Variants in CASQ2 observed in about 807,000 individuals in gnomAD.
The protein encoded by CASQ2 is calsequestrin 2.
In CASQ2, 49 loss-of-function variants were observed where a neutral mutation model predicts 46.5. That is an observed-to-expected ratio of 1.05 (90% CI 0.84 to 1.34). The LOEUF is 1.34. Among genes scored for constraint, CASQ2 ranks in the 40% most tolerant of loss-of-function variants. The probability of loss-of-function intolerance (pLI) is 0.00; values close to 1 mark genes in which losing one functional copy is unlikely to be tolerated. For missense variants in CASQ2, 486 were observed against 481.3 expected, an observed-to-expected ratio of 1.01 and a Z score of -0.09; for synonymous variants, 174 against 168.5, an observed-to-expected ratio of 1.03 and a Z score of -0.25.
intron 8 of CASQ2, among the ~76,000 whole-genome samples, chr1:115,711,224 G>A (rs1198829528): frequency 6.6e-6 from 1 of 152,230 alleles, no homozygotes; most frequent in Non-Finnish European, 1.5e-5. Context: ...GCTCCTGTGA[G>A]GAGAGGCCTG....
At chr1:115,738,490 C>T (rs768315971) in intron 3 of CASQ2, among the ~76,000 whole-genome samples, 155 bp from the exon 4 acceptor site, 1 of 152,186 alleles carries the variant, frequency 6.6e-6, no homozygotes, top group Non-Finnish European at 1.5e-5. Context: ...GTGAGCATAC[C>T]AGCAGTACCT....
intron 5 of CASQ2, among the ~76,000 whole-genome samples, 155 bp downstream of exon 5, chr1:115,732,746 A>G (rs1647830992): frequency 6.6e-6 from 1 of 152,220 alleles, no homozygotes; most frequent in Non-Finnish European, 1.5e-5. Flanking sequence ...CTTAAATCCA[A>G]TAGTGATTTA....
chr1:115,740,010 C>T (rs1648125049), intron 3 of CASQ2, among the ~76,000 whole-genome samples: 1 of 152,160 alleles, frequency 6.6e-6, no homozygotes, highest in Admixed American at 6.5e-5. Flanking sequence ...TAGCTTCCAA[C>T]TCACTTCTGA....
intron 1 of CASQ2, among the ~76,000 whole-genome samples, chr1:115,750,321 T>C (rs1183955001): frequency 6.6e-6 from 1 of 152,224 alleles, no homozygotes; most frequent in Non-Finnish European, 1.5e-5. Flanking sequence ...TTTGTTTGTT[T>C]GGTCAGTTAC....
intron 3 of CASQ2, among the ~76,000 whole-genome samples, chr1:115,739,019 CTCCAAT>C (rs753060819): frequency 9.5e-5 from 14 of 147,336 alleles, no homozygotes; most frequent in Non-Finnish European, 1.6e-4. Context: ...ACATAATGTT[CTCCAAT>C]TCCATCTGTA....
At position 115,747,658 on chromosome 1, in the gene CASQ2, G is replaced by T. The variant is rs1304792169; in HGVS notation, c.235-2746C>A. 8.3e-4 allele frequency among the ~76,000 whole-genome samples: 126 copies of T among 152,026 alleles called. 1 individual carries two copies. The highest frequency in any genetic ancestry group is 1.8e-4 in the Non-Finnish European group (12 of 67,984). ...TTCTTTGGTTTCTTTCATCAGCATT[G>T]TATAGTTTTCAGCCTACAAGTCTGG... is the stretch of plus-strand genomic sequence containing the variant. On this transcript the variant is annotated intron_variant, in intron 1 of 10. Coordinates refer to ENST00000261448, the MANE Select transcript of CASQ2 (RefSeq NM_001232.4).
At chr1:115,747,785 T>C (rs574157331) in intron 1 of CASQ2, among the ~76,000 whole-genome samples, 1 of 152,354 alleles carries the variant, frequency 6.6e-6, no homozygotes, top group African/African-American at 2.4e-5. Context: ...ATTGCAAGTA[T>C]ATAGATATAC....
chr1:115,767,672 T>C (rs946718180), intron 1 of CASQ2, among the ~76,000 whole-genome samples: 1 of 152,096 alleles, frequency 6.6e-6, no homozygotes, highest in Non-Finnish European at 1.5e-5. Flanking sequence ...AGGCAGGCCA[T>C]GTAATGCGGA....
intron 2 of CASQ2, among the ~76,000 whole-genome samples, chr1:115,742,416 T>C (rs1339242391): frequency 6.6e-6 from 1 of 151,954 alleles, no homozygotes; most frequent in Non-Finnish European, 1.5e-5. Flanking sequence ...CACAACTTGA[T>C]AGAGGCCAAA....
intron 6 of CASQ2, 138 bp downstream of exon 6, chr1:115,726,854 A>AT: frequency 2.9e-6 from 2 of 689,166 alleles, no homozygotes; most frequent in Non-Finnish European, 5.2e-6. Context: ...TGATCAACAA[A>AT]GCCATACTAC....
chr1:115,726,939 C>T (rs572309653), intron 6 of CASQ2, 53 bp downstream of exon 6: 56 of 1,397,462 alleles, frequency 4.0e-5, no homozygotes, highest in Admixed American at 3.7e-4. Flanking sequence ...AGAGAGGCTC[C>T]TCTCCATTCC....
chr1:115,732,967 C>T lies in CASQ2; in HGVS notation c.540G>A (p.Lys180=), dbSNP rs72554057. 1.6e-4 allele frequency: 265 copies of T among 1,612,486 alleles called. 1 individual carries two copies. The highest frequency in any genetic ancestry group is 2.1e-4 in the Non-Finnish European group (251 of 1,178,730). ...AGTGTTCAGCTGCTTCTTCAAAAGC[C>T]TTGTAGTCTAAGGGGAAAAATAAAG... The part of the protein sequence containing the change: ...FFKSEDSEYY[K]AFEEAAEHFQ... The change falls in exon 5 of 11, where the codon AAG becomes AAA. Residue 180 remains lysine, a synonymous_variant. Coordinates refer to ENST00000261448, the MANE Select transcript of CASQ2 (RefSeq NM_001232.4).
chr1:115,740,014 C>T (rs1259560042), intron 3 of CASQ2, among the ~76,000 whole-genome samples: 1 of 152,160 alleles, frequency 6.6e-6, no homozygotes, highest in African/African-American at 2.4e-5. Flanking sequence ...TTCCAACTCA[C>T]TTCTGACCTT....
chr1:115,761,465 A>AAGAAGAAGAAGGG (rs1557806742), intron 1 of CASQ2, among the ~76,000 whole-genome samples: 1 of 11,442 alleles, frequency 8.7e-5, no homozygotes, highest in African/African-American at 2.9e-4. Flanking sequence ...AAGAAGAAGG[A>AAGAAGAAGAAGGG]GAAGAAGAAG....
intron 3 of CASQ2, 115 bp from the exon 4 acceptor site, chr1:115,738,450 T>C: frequency 1.3e-6 from 1 of 767,574 alleles, no homozygotes; most frequent in Non-Finnish European, 2.4e-6. Flanking sequence ...GTGCCTCAAA[T>C]ATCTATTCCA....
intron 1 of CASQ2, among the ~76,000 whole-genome samples, chr1:115,757,127 T>C (rs1648789420): frequency 6.6e-6 from 1 of 152,202 alleles, no homozygotes; most frequent in Admixed American, 6.5e-5. Context: ...ATTTTCCAGT[T>C]CGTGAAACCT....
chr1:115,747,515 A>G (rs1362634164), intron 1 of CASQ2, among the ~76,000 whole-genome samples: 1 of 152,232 alleles, frequency 6.6e-6, no homozygotes, highest in Non-Finnish European at 1.5e-5. Context: ...ACAAAAAAAA[A>G]TATTACTAGA....
At chr1:115,737,295 C>T (rs1647998257) in intron 4 of CASQ2, among the ~76,000 whole-genome samples, 1 of 152,078 alleles carries the variant, frequency 6.6e-6, no homozygotes, top group Admixed American at 6.5e-5. Context: ...GCATGGGAGA[C>T]AGAAAATGAA....
intron 7 of CASQ2, among the ~76,000 whole-genome samples, chr1:115,723,378 T>C (rs1311685799): frequency 6.6e-6 from 1 of 151,552 alleles, no homozygotes; most frequent in African/African-American, 2.4e-5. Flanking sequence ...GATGGTAAAA[T>C]GTTAACATTT....
Sources: allele counts gnomAD v4.1 joint callset (sites outside exome capture counted in the v4.1 genomes callset), GRCh38; gene constraint gnomAD v4.1.1; transcripts MANE v1.5; gene names NCBI Gene and HGNC (gene_info 2026-07-23, HGNC 2026-07-21).